Variants in TNIP3 observed in about 807,000 individuals in gnomAD.
TNIP3 encodes the protein TNFAIP3-interacting protein 3.
A neutral mutation model predicts 54.1 loss-of-function variants in TNIP3; 34 were observed. That is an observed-to-expected ratio of 0.63 (90% CI 0.48 to 0.84). TNIP3 has a LOEUF of 0.84. TNIP3 is among the 40% of genes least tolerant of loss of function. The pLI, the probability that TNIP3 is intolerant of heterozygous loss-of-function variation, is 0.00. For missense variants in TNIP3, 366 were observed against 387.6 expected (o/e 0.94, Z 0.47); for synonymous variants, 134 against 136.8 (o/e 0.98, Z 0.14).
chr4:121,173,837 G>A (rs1160475124), intron 3 of TNIP3, among the ~76,000 whole-genome samples: 3 of 152,118 alleles, frequency 2.0e-5, no homozygotes, highest in Admixed American at 1.3e-4. Context: ...CACCATGTTG[G>A]CCAAGCTGGT....
At chr4:121,198,293 C>T (rs182155038) in intron 2 of TNIP3, among the ~76,000 whole-genome samples, 1 of 152,114 alleles carries the variant, frequency 6.6e-6, no homozygotes, top group Non-Finnish European at 1.5e-5. Context: ...TAGCACATGA[C>T]CTTCATTGTA....
chr4:121,216,145 G>T (rs935845749), intron 2 of TNIP3, among the ~76,000 whole-genome samples: 2 of 152,036 alleles, frequency 1.3e-5, no homozygotes, highest in Non-Finnish European at 2.9e-5. Flanking sequence ...ATCCACCAAG[G>T]CTTGTCAATG....
At chr4:121,138,006 A>G (rs1728890022) in intron 10 of TNIP3, 1 of 454,604 alleles carries the variant, frequency 2.2e-6, no homozygotes, top group Admixed American at 2.4e-5. Flanking sequence ...AGTAGAAAGT[A>G]TAGCAGATTC....
At chr4:121,174,212 A>G (rs1450418594) in intron 3 of TNIP3, among the ~76,000 whole-genome samples, 1 of 152,132 alleles carries the variant, frequency 6.6e-6, no homozygotes, top group African/African-American at 2.4e-5. Flanking sequence ...CTATAGATTT[A>G]GACACTATTT....
intron 2 of TNIP3, among the ~76,000 whole-genome samples, chr4:121,194,113 G>A (rs771555657): frequency 6.6e-5 from 10 of 152,068 alleles, no homozygotes; most frequent in Non-Finnish European, 1.5e-4. Flanking sequence ...GTAGTGTATC[G>A]ATGTTCATTT....
intron 2 of TNIP3, among the ~76,000 whole-genome samples, chr4:121,213,726 CA>C (rs34477589): frequency 0.058 from 5,325 of 91,458 alleles, 114 homozygotes; most frequent in African/African-American, 0.091. Context: ...GACTCCGTCT[CA>C]AAAAAAAAAA....
intron 2 of TNIP3, among the ~76,000 whole-genome samples, chr4:121,190,440 A>G (rs1036390108): frequency 1.3e-5 from 2 of 152,128 alleles, no homozygotes; most frequent in African/African-American, 4.8e-5. Flanking sequence ...GGAAGAGGAG[A>G]AGCTCCCATT....
intron 2 of TNIP3, among the ~76,000 whole-genome samples, chr4:121,188,186 C>G (rs1725120506): frequency 1.3e-5 from 2 of 152,082 alleles, no homozygotes; most frequent in Non-Finnish European, 2.9e-5. Context: ...GGACAGAAAT[C>G]TCCTTCCTTC....
At position 121,145,657 on chromosome 4, in the gene TNIP3, TA is replaced by T. The variant is rs1041008457; in HGVS notation, c.735+1391del. ...AATTTATCATATAAAAATAAATTAT[TA>T]AAAATTGTTTTAAAATTAAAGTTGT... is the stretch of plus-strand genomic sequence containing the variant. On this transcript the variant is annotated intron_variant, in intron 7 of 10. Coordinates refer to ENST00000057513, the MANE Select transcript of TNIP3 (RefSeq NM_024873.6). Among the ~76,000 whole-genome samples, 368 of 150,038 alleles carry T rather than the reference TA, an allele frequency of 2.5e-3. 2 individuals are homozygous for T. Among genetic ancestry groups the T allele is most frequent in the Non-Finnish European group, 3.3e-3 (225 of 67,568 alleles).
At chr4:121,172,000 T>C (rs993617926) in intron 3 of TNIP3, among the ~76,000 whole-genome samples, 1 of 152,176 alleles carries the variant, frequency 6.6e-6, no homozygotes, top group Non-Finnish European at 1.5e-5. Context: ...CCCAAAGTTC[T>C]GGGATTACAG....
chr4:121,180,812 G>A (rs567092095), intron 3 of TNIP3, among the ~76,000 whole-genome samples: 17 of 152,122 alleles, frequency 1.1e-4, no homozygotes, highest in Admixed American at 2.0e-4. Flanking sequence ...ACTCATTTTC[G>A]TTTTACTTAT....
chr4:121,176,277 T>C (rs760957228), intron 3 of TNIP3, among the ~76,000 whole-genome samples: 9 of 152,210 alleles, frequency 5.9e-5, no homozygotes, highest in Non-Finnish European at 1.3e-4. Flanking sequence ...GGCTCCTCAC[T>C]GCCTGAGAAC....
intron 2 of TNIP3, among the ~76,000 whole-genome samples, chr4:121,206,714 A>C (rs1726212522): frequency 1.3e-5 from 2 of 152,022 alleles, no homozygotes; most frequent in African/African-American, 4.8e-5. Context: ...GGTGCATGTC[A>C]CCATGCTCAG....
intron 2 of TNIP3, among the ~76,000 whole-genome samples, chr4:121,204,672 C>G (rs571548206): frequency 9.2e-5 from 14 of 152,240 alleles, no homozygotes; most frequent in African/African-American, 3.4e-4. Flanking sequence ...AAATACCTGT[C>G]TAGATATATT....
At chr4:121,178,991 G>A (rs1250176459) in intron 3 of TNIP3, among the ~76,000 whole-genome samples, 2 of 152,186 alleles carry the variant, frequency 1.3e-5, no homozygotes, top group Non-Finnish European at 2.9e-5. Flanking sequence ...GACAAAGCAG[G>A]GAGGGGGCTG....
chr4:121,145,743 T>G (rs1233860055), intron 7 of TNIP3, among the ~76,000 whole-genome samples: 4 of 151,800 alleles, frequency 2.6e-5, no homozygotes, highest in Non-Finnish European at 5.9e-5. Context: ...AAATATTTTT[T>G]GTTCTAAAAC....
chr4:121,218,184 C>G (rs1173662932), upstream of TNIP3, among the ~76,000 whole-genome samples: 1 of 152,106 alleles, frequency 6.6e-6, no homozygotes, highest in Non-Finnish European at 1.5e-5. Flanking sequence ...AACATCATAA[C>G]ACTATATTTC....
At chr4:121,158,109 A>G (rs1372613584) in intron 3 of TNIP3, among the ~76,000 whole-genome samples, 1 of 152,246 alleles carries the variant, frequency 6.6e-6, no homozygotes, top group Admixed American at 6.5e-5. Context: ...AAAATAGAAT[A>G]ATTTTAAATT....
intron 3 of TNIP3, among the ~76,000 whole-genome samples, chr4:121,170,486 G>C (rs6840309): frequency 0.036 from 5,403 of 152,056 alleles, 324 homozygotes; most frequent in African/African-American, 0.12. Flanking sequence ...CTGTTTCCGT[G>C]TATTTTCTTT....
Sources: gnomAD v4.1 joint callset for allele counts (sites outside exome capture counted in the v4.1 genomes callset) on GRCh38, gnomAD v4.1.1 for gene constraint, MANE v1.5 for transcripts, NCBI Gene and HGNC (gene_info 2026-07-23, HGNC 2026-07-21) for gene names.